The following DOCK7 variants were observed in gnomAD, a reference collection of about 807,000 sequenced individuals.
The protein encoded by DOCK7 is dedicator of cytokinesis protein 7.
Under a neutral mutation model 271.0 loss-of-function variants are expected in DOCK7, and 138 were observed. The observed-to-expected ratio is 0.51, with a 90% CI of 0.44 to 0.59. The LOEUF (loss-of-function observed/expected upper bound fraction) is 0.59. Ranked by LOEUF, DOCK7 falls within the 20% of genes least tolerant of loss-of-function variation. The pLI is 0.00. For missense variants in DOCK7, 2,066 were observed against 2,592.4 expected (o/e 0.80, Z 4.41); for synonymous variants, 823 against 876.1 (o/e 0.94, Z 1.07).
At chr1:62,489,770 C>T (rs1428348274) in intron 41 of DOCK7, among the ~76,000 whole-genome samples, 1 of 152,076 alleles carries the variant, frequency 6.6e-6, no homozygotes, top group Non-Finnish European at 1.5e-5. Flanking sequence ...TAATTCTGAG[C>T]AGAAGAAAAA....
chr1:62,688,187 T>G, intron 1 of DOCK7, 40 bp downstream of exon 1: 1 of 1,357,326 alleles, frequency 7.4e-7, no homozygotes, highest in Non-Finnish European at 9.6e-7. Context: ...CGGCTCTTTC[T>G]CGGGCGGCGG....
chr1:62,613,862 T>C (rs1278135431), intron 14 of DOCK7, among the ~76,000 whole-genome samples: 2 of 152,194 alleles, frequency 1.3e-5, no homozygotes, highest in East Asian at 3.9e-4. Flanking sequence ...CTTAAATTCC[T>C]ATTTTTTTCA....
intron 6 of DOCK7, 104 bp downstream of exon 6, chr1:62,648,002 T>C: frequency 9.4e-7 from 1 of 1,060,910 alleles, no homozygotes; most frequent in Non-Finnish European, 1.4e-6. Flanking sequence ...TTACAGCTGT[T>C]TCAGTTGCTT....
intron 37 of DOCK7, among the ~76,000 whole-genome samples, chr1:62,499,901 C>T (rs903296490): frequency 6.8e-6 from 1 of 147,522 alleles, no homozygotes; most frequent in African/African-American, 2.5e-5. Context: ...TAAATAAATA[C>T]ACAAGAAACC....
intron 14 of DOCK7, among the ~76,000 whole-genome samples, chr1:62,609,944 G>C (rs1009592267): frequency 1.3e-5 from 2 of 152,046 alleles, no homozygotes; most frequent in Non-Finnish European, 2.9e-5. Flanking sequence ...TCCGCCTCCT[G>C]GGTTCAAGTG....
chr1:62,652,961 C>A (rs1393072760), intron 4 of DOCK7, among the ~76,000 whole-genome samples: 1 of 152,140 alleles, frequency 6.6e-6, no homozygotes. Context: ...AATAAGACAG[C>A]CATGAGGGCA....
intron 38 of DOCK7, 136 bp downstream of exon 38, chr1:62,496,203 C>T: frequency 1.1e-6 from 1 of 900,992 alleles, no homozygotes; most frequent in Non-Finnish European, 1.7e-6. Flanking sequence ...TCAGTCCTAT[C>T]TATGGCACAT....
At chr1:62,682,591 A>G (rs1397326837) in intron 1 of DOCK7, among the ~76,000 whole-genome samples, 1 of 152,190 alleles carries the variant, frequency 6.6e-6, no homozygotes, top group Non-Finnish European at 1.5e-5. Context: ...GAAAAGAAAA[A>G]AGTCAAAGTT....
At chr1:62,565,703 C>G (rs1646490530) in intron 18 of DOCK7, among the ~76,000 whole-genome samples, 1 of 152,134 alleles carries the variant, frequency 6.6e-6, no homozygotes, top group Admixed American at 6.5e-5. Flanking sequence ...ATTGGAAGTT[C>G]TGGCTAGGGC....
At chr1:62,476,825 C>T (rs1241060058) in intron 44 of DOCK7, among the ~76,000 whole-genome samples, 1 of 152,128 alleles carries the variant, frequency 6.6e-6, no homozygotes, top group Admixed American at 6.5e-5. Flanking sequence ...TTGAGTAAGT[C>T]TCAATTAATA....
intron 22 of DOCK7, among the ~76,000 whole-genome samples, chr1:62,546,308 C>T (rs1335012605): frequency 1.3e-5 from 2 of 152,034 alleles, no homozygotes; most frequent in African/African-American, 4.8e-5. Context: ...GAAAGAAAAA[C>T]CGCAACCCTC....
Position 62,457,826 on chromosome 1 carries a change from T to C in DOCK7, c.6213-121A>G, listed in dbSNP as rs945771137. 11 of 925,634 alleles carry C rather than the reference T, an allele frequency of 1.2e-5. No individual in the cohort carries two copies. The African/African-American group carries it at 1.7e-4, about 14-fold the overall frequency. 57.3% of individuals were successfully genotyped at this position (925,634 alleles called of 1,614,324 possible). On this transcript the variant is annotated intron_variant, in intron 48 of 49. Coordinates refer to ENST00000635253, the MANE Select transcript of DOCK7 (RefSeq NM_001367561.1). ...GCTTAATGACACACAACACAGACTATATATGTGGGCCTAATCACACACACA... is the reference window on the plus strand; with the variant it reads ...GCTTAATGACACACAACACAGACTACATATGTGGGCCTAATCACACACACA...
intron 1 of DOCK7, among the ~76,000 whole-genome samples, chr1:62,668,854 G>A (rs1659609591): frequency 6.6e-6 from 1 of 151,382 alleles, no homozygotes; most frequent in African/African-American, 2.4e-5. Flanking sequence ...GAGCCCAGGA[G>A]GTCAAGGCTA....
intron 14 of DOCK7, among the ~76,000 whole-genome samples, chr1:62,600,557 G>T (rs772999204): frequency 6.6e-6 from 1 of 151,676 alleles, no homozygotes; most frequent in Non-Finnish European, 1.5e-5. Flanking sequence ...CTAAACTAAC[G>T]ATAAACTACT....
At chr1:62,611,042 TTC>T (rs1651724871) in intron 14 of DOCK7, among the ~76,000 whole-genome samples, 2 of 152,206 alleles carry the variant, frequency 1.3e-5, no homozygotes, top group African/African-American at 4.8e-5. Context: ...CCACACTGTC[TTC>T]CACAATGGTT....
chr1:62,594,595 A>G (rs557322727), intron 14 of DOCK7, among the ~76,000 whole-genome samples: 41 of 152,136 alleles, frequency 2.7e-4, no homozygotes, highest in Non-Finnish European at 5.9e-4. Flanking sequence ...GCTACTCTTC[A>G]AATTCCCTTC....
chr1:62,670,786 G>C (rs1388680161), intron 1 of DOCK7, among the ~76,000 whole-genome samples: 1 of 152,172 alleles, frequency 6.6e-6, no homozygotes, highest in Non-Finnish European at 1.5e-5. Context: ...CCAATCAGCA[G>C]GATGTGGGTG....
intron 31 of DOCK7, among the ~76,000 whole-genome samples, chr1:62,526,435 T>C (rs996284685): frequency 6.6e-6 from 1 of 152,146 alleles, no homozygotes; most frequent in African/African-American, 2.4e-5. Context: ...TGATGAGGAT[T>C]TGGAGAACAG....
intron 18 of DOCK7, among the ~76,000 whole-genome samples, chr1:62,568,940 A>C (rs78474146): frequency 1.3e-5 from 2 of 152,144 alleles, no homozygotes; most frequent in African/African-American, 2.4e-5. Context: ...AATACAAACG[A>C]CCATCAGAGA....
Sources: allele counts gnomAD v4.1 joint callset (sites outside exome capture counted in the v4.1 genomes callset), GRCh38; gene constraint gnomAD v4.1.1; transcripts MANE v1.5; gene names NCBI Gene and HGNC (gene_info 2026-07-23, HGNC 2026-07-21).